SPAG16: variants seen among roughly 807,000 people sequenced by gnomAD.
SPAG16 encodes sperm-associated antigen 16 protein.
In SPAG16, 86 loss-of-function variants were observed where a neutral mutation model predicts 80.4. That is an observed-to-expected ratio of 1.07 (90% confidence interval 0.90 to 1.28). The LOEUF (loss-of-function observed/expected upper bound fraction) is 1.28, where lower values mean the gene tolerates loss of function less well. Ranked by LOEUF, SPAG16 falls within the 50% of genes most tolerant of loss-of-function variation. SPAG16 has a pLI of 0.00. For synonymous variants in SPAG16, 294 were observed against 265.9 expected (o/e 1.11, Z -1.03); for missense variants, 870 against 765.3 (o/e 1.14, Z -1.61).
In SPAG16 at chr2:213,350,517, AT is replaced by A. The variant is rs1456230750; in HGVS notation, c.645-5del. Reference sequence around the variant, plus strand: ...AACCCCTTAAGATGCTATTGACTTTATTTTTTATAGGTTGAAGTTACATTAT... The same window carrying A: ...AACCCCTTAAGATGCTATTGACTTTATTTTTATAGGTTGAAGTTACATTAT... On this transcript the variant is annotated splice_polypyrimidine_tract_variant and intron_variant, in intron 6 of 15. Transcript: ENST00000331683. 3 of 1,480,484 alleles carry A rather than the reference AT, an allele frequency of 2.0e-6. No homozygotes were observed. The highest frequency in any genetic ancestry group is 1.3e-5 in the South Asian group (1 of 77,868). The allele number at this position is 1,480,484 out of a possible 1,614,324, so 91.7% of individuals were successfully genotyped here. A position where few individuals can be genotyped will look rare whatever the true frequency, so the allele number is the denominator to read the frequency against.
intron 15 of SPAG16, among the ~76,000 whole-genome samples, chr2:214,391,453 A>G (rs922535948): frequency 6.6e-6 from 1 of 152,232 alleles, no homozygotes; most frequent in Non-Finnish European, 1.5e-5. Context: ...TATAAATGGG[A>G]AAATTGGCAC....
At chr2:214,335,148 A>C (rs182316189) in intron 15 of SPAG16, among the ~76,000 whole-genome samples, 345 of 152,298 alleles carry the variant, frequency 2.3e-3, no homozygotes, top group Non-Finnish European at 4.0e-3. Context: ...GTTCCAGATC[A>C]AGAATGTGAC....
chr2:214,312,462 G>A (rs1320469213), intron 15 of SPAG16, among the ~76,000 whole-genome samples: 1 of 152,118 alleles, frequency 6.6e-6, no homozygotes, highest in Non-Finnish European at 1.5e-5. Flanking sequence ...TATTCTCAAG[G>A]TGTACATGGA....
intron 12 of SPAG16, among the ~76,000 whole-genome samples, chr2:213,978,879 G>A (rs2045551891): frequency 6.6e-6 from 1 of 152,026 alleles, no homozygotes; most frequent in Non-Finnish European, 1.5e-5. Flanking sequence ...ATGGGGGTTA[G>A]TGCTTCAATT....
chr2:213,881,135 T>C (rs552951984), intron 11 of SPAG16, among the ~76,000 whole-genome samples: 2 of 152,286 alleles, frequency 1.3e-5, no homozygotes, highest in Admixed American at 1.3e-4. Flanking sequence ...CTGTGATTTG[T>C]TTCAGCATTG....
chr2:214,368,931 C>T (rs566458383), intron 15 of SPAG16, among the ~76,000 whole-genome samples: 1 of 152,170 alleles, frequency 6.6e-6, no homozygotes, highest in African/African-American at 2.4e-5. Flanking sequence ...AATCAAAAAT[C>T]TTCACCAGAA....
chr2:214,313,452 A>T (rs976448911), intron 15 of SPAG16, among the ~76,000 whole-genome samples: 11 of 152,144 alleles, frequency 7.2e-5, no homozygotes, highest in Admixed American at 5.2e-4. Context: ...ATTTGGGAAC[A>T]TTTATCTAAG....
intron 10 of SPAG16, among the ~76,000 whole-genome samples, chr2:213,650,817 A>T (rs1218676856): frequency 5.3e-5 from 8 of 152,180 alleles, no homozygotes; most frequent in Non-Finnish European, 2.9e-5. Flanking sequence ...CAGGGATTCA[A>T]TCTTGTCATT....
chr2:213,776,127 A>T (rs559845402), intron 10 of SPAG16, among the ~76,000 whole-genome samples: 1 of 152,204 alleles, frequency 6.6e-6, no homozygotes, highest in South Asian at 2.1e-4. Context: ...AATCATTGGG[A>T]TTTATGTTAC....
intron 15 of SPAG16, among the ~76,000 whole-genome samples, chr2:214,358,995 CAG>C (rs1698999571): frequency 1.3e-5 from 2 of 151,718 alleles, no homozygotes; most frequent in Admixed American, 6.6e-5. Context: ...TACAGTTTCA[CAG>C]AGTTATAAGA....
At chr2:214,326,728 G>A (rs1264658102) in intron 15 of SPAG16, among the ~76,000 whole-genome samples, 3 of 151,916 alleles carry the variant, frequency 2.0e-5, no homozygotes, top group Admixed American at 1.3e-4. Flanking sequence ...GGCGGATCAC[G>A]AGATCAGGAG....
chr2:213,607,678 T>C (rs892291245), intron 10 of SPAG16, among the ~76,000 whole-genome samples: 4 of 152,242 alleles, frequency 2.6e-5, no homozygotes, highest in African/African-American at 7.2e-5. Context: ...CTCTGTCTAA[T>C]GTGAGTTATC....
At chr2:214,244,394 G>C (rs1176372555) in intron 15 of SPAG16, among the ~76,000 whole-genome samples, 2 of 124,088 alleles carry the variant, frequency 1.6e-5, no homozygotes, top group Non-Finnish European at 3.5e-5. Flanking sequence ...CTGAAGTTCC[G>C]AAAAAAAAAA....
chr2:213,649,114 T>C (rs1187463538), intron 10 of SPAG16, among the ~76,000 whole-genome samples: 1 of 152,184 alleles, frequency 6.6e-6, no homozygotes, highest in East Asian at 1.9e-4. Flanking sequence ...CTTTCCATAC[T>C]GAGAAAAAAA....
intron 8 of SPAG16, 91 bp downstream of exon 8, chr2:213,364,236 G>A: frequency 5.1e-6 from 3 of 587,086 alleles, no homozygotes; most frequent in Non-Finnish European, 8.0e-6. Flanking sequence ...ATATTTAAAG[G>A]TGAGTAAGTG....
chr2:214,078,129 A>G (rs529920691), intron 13 of SPAG16, among the ~76,000 whole-genome samples: 1 of 36,204 alleles, frequency 2.8e-5, no homozygotes, highest in East Asian at 2.1e-4. Context: ...TATTCCCAAG[A>G]AAAAGACCCT....
chr2:214,194,952 T>A (rs374601258), intron 15 of SPAG16, among the ~76,000 whole-genome samples: 13 of 152,036 alleles, frequency 8.6e-5, no homozygotes, highest in African/African-American at 2.9e-4. Context: ...TGGGGATGAA[T>A]AAGTAAAACA....
chr2:213,351,344 A>G (rs1318543304), intron 7 of SPAG16, among the ~76,000 whole-genome samples: 1 of 152,150 alleles, frequency 6.6e-6, no homozygotes. Flanking sequence ...TGTAGCTGCA[A>G]AGACCAAAGA....
chr2:214,388,647 T>TA (rs1389022785), intron 15 of SPAG16, among the ~76,000 whole-genome samples: 2 of 152,172 alleles, frequency 1.3e-5, no homozygotes, highest in African/African-American at 4.8e-5. Flanking sequence ...CACCTTTATT[T>TA]TCATTATTAC....
Sources: allele counts gnomAD v4.1 joint callset (sites outside exome capture counted in the v4.1 genomes callset), GRCh38; gene constraint gnomAD v4.1.1; transcripts MANE v1.5; gene names NCBI Gene and HGNC (gene_info 2026-07-23, HGNC 2026-07-21).